Variants in CPNE4 observed in about 807,000 individuals in gnomAD.
CPNE4 encodes copine-4.
CPNE4 carries 25 observed loss-of-function variants against 67.9 expected under a neutral mutation model. That is an observed-to-expected ratio of 0.37 (90% confidence interval 0.27 to 0.51). The LOEUF is 0.51. Ranked by LOEUF, CPNE4 falls within the 20% of genes least tolerant of loss-of-function variation. The pLI, the probability that CPNE4 is intolerant of heterozygous loss-of-function variation, is 0.93. For missense variants in CPNE4, 464 were observed against 690.8 expected, an observed-to-expected ratio of 0.67 and a Z score of 3.68; for synonymous variants, 242 against 244.9, an observed-to-expected ratio of 0.99 and a Z score of 0.11.
intron 2 of CPNE4, among the ~76,000 whole-genome samples, chr3:131,734,841 T>G (rs2082200784): frequency 6.6e-6 from 1 of 152,030 alleles, no homozygotes; most frequent in African/African-American, 2.4e-5. Context: ...CAGTGAGCCA[T>G]GAACGCACTG....
chr3:131,677,076 A>T lies in CPNE4; in HGVS notation c.592-7312T>A, dbSNP rs913170366. ...TTTACTTTTTATAGTAGCCATTCTG[A>T]CTGGTGTGAGATGGTATCTCATTGT... On this transcript the variant is annotated intron_variant, in intron 6 of 15. Coordinates refer to ENST00000429747, the MANE Select transcript of CPNE4 (RefSeq NM_130808.3). 2.8e-4 allele frequency among the ~76,000 whole-genome samples: 42 copies of T among 150,996 alleles called. 3 individuals carry two copies. The highest frequency in any genetic ancestry group is 2.1e-3 in the Admixed American group (32 of 15,136).
intron 1 of CPNE4, among the ~76,000 whole-genome samples, chr3:131,918,313 C>A (rs956192638): frequency 2.0e-5 from 3 of 152,088 alleles, no homozygotes; most frequent in Admixed American, 6.6e-5. Context: ...CTGGAAGTCC[C>A]AGAATGTGAT....
intron 2 of CPNE4, among the ~76,000 whole-genome samples, chr3:131,759,366 A>C (rs566550484): frequency 6.6e-6 from 1 of 152,330 alleles, no homozygotes; most frequent in African/African-American, 2.4e-5. Flanking sequence ...TTGTCACTAC[A>C]AGCCAAGAAA....
At chr3:131,845,098 A>T (rs7610836) in intron 2 of CPNE4, among the ~76,000 whole-genome samples, 16,679 of 152,162 alleles carry the variant, frequency 0.11, 980 homozygotes, top group East Asian at 0.21. Flanking sequence ...ATAGACTCAA[A>T]GTTTTGATTC....
chr3:131,711,780 C>A (rs1419689884), intron 3 of CPNE4, among the ~76,000 whole-genome samples: 1 of 152,174 alleles, frequency 6.6e-6, no homozygotes, highest in African/African-American at 2.4e-5. Flanking sequence ...TATTCTCTTT[C>A]CCAAATAAAG....
intron 10 of CPNE4, among the ~76,000 whole-genome samples, chr3:131,567,878 T>C (rs1276683227): frequency 2.0e-5 from 3 of 151,958 alleles, no homozygotes; most frequent in Non-Finnish European, 4.4e-5. Flanking sequence ...CTGTTCTTGG[T>C]GCTACTATTT....
At chr3:131,959,509 T>C (rs1409644093) in intron 1 of CPNE4, among the ~76,000 whole-genome samples, 2 of 152,106 alleles carry the variant, frequency 1.3e-5, no homozygotes, top group Admixed American at 6.5e-5. Flanking sequence ...ATGCTACAGA[T>C]AGCACCAAAG....
intron 1 of CPNE4, among the ~76,000 whole-genome samples, chr3:131,918,973 G>A (rs1014607649): frequency 2.0e-5 from 3 of 152,134 alleles, no homozygotes; most frequent in African/African-American, 7.2e-5. Context: ...AGTGTTGTAG[G>A]GAGCCGAAGT....
chr3:132,037,732 G>A (rs2074363686), upstream of CPNE4: 3 of 776,714 alleles, frequency 3.9e-6, no homozygotes, highest in African/African-American at 1.7e-5. Context: ...GATAAGAGGA[G>A]GCATCCGCTC....
chr3:132,027,621 T>A lies in CPNE4; in HGVS notation c.-2+6946A>T, dbSNP rs572318650. 1.1e-4 allele frequency among the ~76,000 whole-genome samples: 16 copies of A among 152,278 alleles called. No homozygotes were observed. In the East Asian group the frequency reaches 3.1e-3, roughly 29 times the overall value. On this transcript the variant is annotated intron_variant, in intron 1 of 15. Coordinates refer to ENST00000429747, the MANE Select transcript of CPNE4 (RefSeq NM_130808.3). ...GAGCTCTGCAGTCTACCTGGCCAGATAACGTTAACACACATGATCAAAGGT... is the reference window on the plus strand; with the variant it reads ...GAGCTCTGCAGTCTACCTGGCCAGAAAACGTTAACACACATGATCAAAGGT...
chr3:131,981,812 T>C (rs1199951445), intron 1 of CPNE4, among the ~76,000 whole-genome samples: 1 of 152,126 alleles, frequency 6.6e-6, no homozygotes, highest in African/African-American at 2.4e-5. Context: ...TTGACTCAGC[T>C]CCAAGTAAAG....
At chr3:131,546,107 C>T (rs1363845798) in intron 14 of CPNE4, among the ~76,000 whole-genome samples, 1 of 152,020 alleles carries the variant, frequency 6.6e-6, no homozygotes, top group South Asian at 2.1e-4. Context: ...AAAACCACTT[C>T]TGAGAAGGGA....
At chr3:132,031,622 T>C (rs1406778) in intron 1 of CPNE4, among the ~76,000 whole-genome samples, 28,840 of 152,116 alleles carry the variant, frequency 0.19, 2,791 homozygotes, top group African/African-American at 0.2. Context: ...AATAAGTTCA[T>C]CTCTAAATGA....
chr3:131,818,841 C>A lies in CPNE4; in HGVS notation c.180+86423G>T, dbSNP rs1281681517. Reference sequence around the variant, plus strand: ...TTCAGGCTGGGTGTGGTGGCTCATGCCTGTAATCCCAGCACTTTGGGAGGC... The same window carrying A: ...TTCAGGCTGGGTGTGGTGGCTCATGACTGTAATCCCAGCACTTTGGGAGGC... On this transcript the variant is annotated intron_variant, in intron 2 of 15. Transcript: ENST00000429747. Among the ~76,000 whole-genome samples, 3 of 152,276 alleles carry A rather than the reference C, an allele frequency of 2.0e-5. No homozygotes were observed. In the East Asian group the frequency reaches 5.8e-4, roughly 29 times the overall value.
chr3:131,783,791 A>G (rs2083485305), intron 2 of CPNE4, among the ~76,000 whole-genome samples: 3 of 152,046 alleles, frequency 2.0e-5, no homozygotes, highest in Admixed American at 2.0e-4. Flanking sequence ...AAAGCAAGCT[A>G]ATGTAATTCA....
chr3:131,679,249 T>G (rs79957886), intron 6 of CPNE4, among the ~76,000 whole-genome samples: 1,887 of 152,266 alleles, frequency 0.012, 35 homozygotes, highest in African/African-American at 0.042. Context: ...CTGATGGTTG[T>G]TTGTAGTTCT....
In CPNE4 at chr3:131,951,078, A is replaced by G. The variant is rs1249934372; in HGVS notation, c.-1-45634T>C. Among the ~76,000 whole-genome samples the G allele has an allele frequency of 2.6e-5, 4 of 152,140 alleles. No individual in the cohort carries two copies. The East Asian group carries it at 7.7e-4, about 29-fold the overall frequency. On this transcript the variant is annotated intron_variant, in intron 1 of 15. Transcript: ENST00000429747. ...GTAAGTTTCCTCAGTTTTATGAAAA[A>G]TTCTATTAGATAATTTATTGGAATT...
intron 1 of CPNE4, among the ~76,000 whole-genome samples, chr3:131,952,145 T>C (rs1027329164): frequency 3.4e-5 from 5 of 146,142 alleles, no homozygotes; most frequent in African/African-American, 1.3e-4. Flanking sequence ...CGCCATCACA[T>C]CTAGGAAGTG....
At chr3:131,559,537 G>A (rs1936646420) in intron 11 of CPNE4, among the ~76,000 whole-genome samples, 1 of 151,922 alleles carries the variant, frequency 6.6e-6, no homozygotes. Context: ...TTATGCACTA[G>A]TAATAATTGT....
Sources: allele counts gnomAD v4.1 joint callset (sites outside exome capture counted in the v4.1 genomes callset), GRCh38; gene constraint gnomAD v4.1.1; transcripts MANE v1.5; gene names NCBI Gene and HGNC (gene_info 2026-07-23, HGNC 2026-07-21).